Variants in NCKAP5 observed in about 807,000 individuals in gnomAD.
NCKAP5 encodes nck-associated protein 5.
Under a neutral mutation model 167.0 loss-of-function variants are expected in NCKAP5, and 92 were observed. The observed-to-expected ratio is 0.55, with a 90% CI of 0.47 to 0.66. The LOEUF (loss-of-function observed/expected upper bound fraction) is 0.66. Ranked by LOEUF, NCKAP5 falls within the 30% of genes least tolerant of loss-of-function variation. NCKAP5 has a pLI of 0.00. For synonymous variants in NCKAP5, 891 were observed against 877.4 expected (o/e 1.02, Z -0.27); for missense variants, 2,378 against 2,315.0 (o/e 1.03, Z -0.56).
At chr2:133,562,157 A>T (rs939832446) in intron 1 of NCKAP5, among the ~76,000 whole-genome samples, 10 of 152,030 alleles carry the variant, frequency 6.6e-5, no homozygotes, top group African/African-American at 2.4e-4. Context: ...AGAAAAAAAA[A>T]ACTCAGAAAT....
chr2:132,719,653 A>G (rs947959120), intron 19 of NCKAP5, among the ~76,000 whole-genome samples: 25 of 152,348 alleles, frequency 1.6e-4, no homozygotes, highest in African/African-American at 5.3e-4. Flanking sequence ...GGGAGGCAGC[A>G]GGCTGCGTGA....
intron 5 of NCKAP5, among the ~76,000 whole-genome samples, chr2:133,213,143 C>T (rs911185745): frequency 3.3e-5 from 5 of 152,094 alleles, no homozygotes; most frequent in African/African-American, 1.2e-4. Context: ...GCAGATACTT[C>T]GGCAAAGACA....
At chr2:133,448,595 C>T (rs1029760248) in intron 3 of NCKAP5, among the ~76,000 whole-genome samples, 2 of 152,134 alleles carry the variant, frequency 1.3e-5, no homozygotes, top group African/African-American at 4.8e-5. Flanking sequence ...TTTCTTAAAG[C>T]ATTTTTCTGC....
At chr2:133,456,069 G>A (rs924932317) in intron 3 of NCKAP5, among the ~76,000 whole-genome samples, 2 of 152,142 alleles carry the variant, frequency 1.3e-5, no homozygotes, top group African/African-American at 4.8e-5. Flanking sequence ...GTTGTTTTAT[G>A]AGCAATGATA....
At chr2:133,405,214 T>C (rs1305005697) in intron 3 of NCKAP5, among the ~76,000 whole-genome samples, 2 of 152,260 alleles carry the variant, frequency 1.3e-5, no homozygotes, top group Non-Finnish European at 2.9e-5. Flanking sequence ...AACCTTGTTT[T>C]GTGTGTGTTT....
chr2:133,484,361 C>G (rs1311722755), intron 3 of NCKAP5, among the ~76,000 whole-genome samples: 1 of 152,148 alleles, frequency 6.6e-6, no homozygotes, highest in African/African-American at 2.4e-5. Flanking sequence ...GCTGGTGTTT[C>G]AAGATCCCGA....
At chr2:133,229,143 A>G (rs1017448757) in intron 4 of NCKAP5, among the ~76,000 whole-genome samples, 2 of 152,236 alleles carry the variant, frequency 1.3e-5, no homozygotes, top group Non-Finnish European at 2.9e-5. Context: ...ACAGGAAAGC[A>G]ATTGGTGGGC....
the NCKAP5 span, among the ~76,000 whole-genome samples, chr2:133,641,646 C>G: frequency 6.6e-6 from 1 of 152,222 alleles, no homozygotes; most frequent in Non-Finnish European, 1.5e-5. Context: ...CAGGAGCCAC[C>G]CTCAGGCCAT....
chr2:133,004,632 T>C (rs2077897645), intron 6 of NCKAP5, among the ~76,000 whole-genome samples: 1 of 151,720 alleles, frequency 6.6e-6, no homozygotes, highest in South Asian at 2.1e-4. Context: ...AAGGCAAGGG[T>C]GAAATTAGAA....
chr2:132,883,208 A>G (rs1383361146), intron 8 of NCKAP5, among the ~76,000 whole-genome samples: 1 of 113,478 alleles, frequency 8.8e-6, no homozygotes, highest in East Asian at 2.9e-4. Flanking sequence ...ACTCAAATAC[A>G]CACACACACA....
At chr2:132,885,741 A>G (rs1574516868) in intron 8 of NCKAP5, among the ~76,000 whole-genome samples, 1 of 152,236 alleles carries the variant, frequency 6.6e-6, no homozygotes, top group Non-Finnish European at 1.5e-5. Flanking sequence ...GAATGATTGA[A>G]AAATCTGATG....
chr2:132,977,174 C>T (rs944274807), intron 7 of NCKAP5, among the ~76,000 whole-genome samples: 1 of 152,182 alleles, frequency 6.6e-6, no homozygotes, highest in African/African-American at 2.4e-5. Flanking sequence ...ACACACTGCA[C>T]AACACAGAAG....
intron 19 of NCKAP5, among the ~76,000 whole-genome samples, chr2:132,705,112 G>A (rs1479972984): frequency 6.6e-6 from 1 of 152,170 alleles, no homozygotes; most frequent in African/African-American, 2.4e-5. Flanking sequence ...CTGCCCATAA[G>A]TTGTCCTCCC....
At chr2:133,475,505 T>A (rs1329031421) in intron 3 of NCKAP5, among the ~76,000 whole-genome samples, 5 of 152,242 alleles carry the variant, frequency 3.3e-5, no homozygotes, top group Non-Finnish European at 7.3e-5. Flanking sequence ...TCTTATTTTC[T>A]AATGTAGTAT....
At chr2:133,521,113 A>G (rs1684435958) in intron 2 of NCKAP5, among the ~76,000 whole-genome samples, 1 of 152,236 alleles carries the variant, frequency 6.6e-6, no homozygotes, top group Non-Finnish European at 1.5e-5. Flanking sequence ...AATATCAGAA[A>G]GGCTGAAACA....
chr2:133,391,439 T>TA (rs1163026631), intron 3 of NCKAP5: 1 of 152,260 alleles, frequency 6.6e-6, no homozygotes, highest in Non-Finnish European at 1.5e-5. Context: ...CCCTGTTACT[T>TA]AGACTATAGA....
At chr2:132,729,061 A>C in intron 17 of NCKAP5, 109 bp from the exon 18 acceptor site, 2 of 1,438,604 alleles carry the variant, frequency 1.4e-6, no homozygotes, top group South Asian at 1.3e-5. Context: ...AGGTCCAAAT[A>C]CAGTGAAAGC....
In NCKAP5 at chr2:132,783,626, C is replaced by T. The variant is rs781226165; in HGVS notation, c.3185G>A (p.Gly1062Glu). 1.2e-6 allele frequency: 2 copies of T among 1,613,874 alleles called. No homozygotes were observed. Among genetic ancestry groups the T allele is most frequent in the East Asian group, 2.2e-5 (1 of 44,852 alleles). Residue 1062 changes from glycine to glutamate, a missense_variant, in exon 14 of 20, where the codon GGA (glycine) becomes GAA (glutamate). By Grantham distance (98) the Gly-to-Glu change is moderately conservative (BLOSUM62 -2). Coordinates refer to ENST00000409261, the MANE Select transcript of NCKAP5 (RefSeq NM_207363.3). ...QTLGTPQRDIGLQTPRISPST... is the reference protein window; with the variant it reads ...QTLGTPQRDIELQTPRISPST... ...AGGAGAGATCCTGGGAGTCTGTAAT[C>T]CTATGTCCCTTTGTGGGGTCCCAAG... is the stretch of plus-strand genomic sequence containing the variant.
chr2:132,912,079 C>G (rs1694498932), intron 8 of NCKAP5, among the ~76,000 whole-genome samples: 1 of 152,172 alleles, frequency 6.6e-6, no homozygotes. Context: ...TTCTACTCAG[C>G]AGAGGACTAG....
Sources: allele counts gnomAD v4.1 joint callset (sites outside exome capture counted in the v4.1 genomes callset), GRCh38; gene constraint gnomAD v4.1.1; transcripts MANE v1.5; gene names NCBI Gene and HGNC (gene_info 2026-07-23, HGNC 2026-07-21).